PDE4A: variants seen among roughly 807,000 people sequenced by gnomAD.
PDE4A encodes the protein 3',5'-cyclic-AMP phosphodiesterase 4A.
A neutral mutation model predicts 73.9 loss-of-function variants in PDE4A; 21 were observed. The ratio of observed to expected loss-of-function variants is 0.28; its 90% confidence interval spans 0.20 to 0.41. The LOEUF (loss-of-function observed/expected upper bound fraction) is 0.41. Ranked by LOEUF, PDE4A falls within the 10% of genes least tolerant of loss-of-function variation. The pLI is 1.00. For missense variants in PDE4A, 958 were observed against 1,211.4 expected, an observed-to-expected ratio of 0.79 and a Z score of 3.10; for synonymous variants, 463 against 505.4, an observed-to-expected ratio of 0.92 and a Z score of 1.13.
At chr19:10,450,765 C>T in intron 5 of PDE4A, 64 bp from the exon 6 acceptor site, 3 of 1,577,094 alleles carry the variant, frequency 1.9e-6, no homozygotes, top group Non-Finnish European at 2.6e-6. Context: ...TCACGGCGGT[C>T]TGGAGCCTCT....
intron 4 of PDE4A, among the ~76,000 whole-genome samples, chr19:10,449,552 G>T (rs2145539554): frequency 6.6e-6 from 1 of 152,028 alleles, no homozygotes; most frequent in South Asian, 2.1e-4. Flanking sequence ...TAGAGATGGG[G>T]TTTCACCATG....
chr19:10,462,637 C>G (rs1316111607), intron 13 of PDE4A, among the ~76,000 whole-genome samples: 2 of 151,990 alleles, frequency 1.3e-5, no homozygotes, highest in African/African-American at 4.8e-5. Context: ...CTGTCTGTCC[C>G]CTTCTCCATC....
rs1160059307 is a variant in PDE4A, at chr19:10,458,305, C to T, written c.1101+203C>T. On this transcript the variant is annotated intron_variant, in intron 8 of 14. Transcript: ENST00000380702. This position sits in a 1 kb window ranked among gnomAD's most constrained non-coding sequence, Gnocchi z 4.6. ...CTTGGGGGCCGTCCCCAGGGCTGGA[C>T]GTATCACCTCTTGCATGTAGCTCCT... Among the ~76,000 whole-genome samples, 1 of 152,176 alleles carries T rather than the reference C, an allele frequency of 6.6e-6. No individual in the cohort carries two copies. The highest frequency in any genetic ancestry group is 1.5e-5 in the Non-Finnish European group (1 of 68,036).
intron 11 of PDE4A, 31 bp from the exon 12 acceptor site, chr19:10,461,495 G>A (rs1316079527): frequency 1.9e-6 from 3 of 1,610,084 alleles, no homozygotes; most frequent in South Asian, 2.2e-5. Context: ...GCACACGTGG[G>A]CCCTCCCCTG....
At chr19:10,451,876 T>A (rs748498641) in intron 6 of PDE4A, among the ~76,000 whole-genome samples, 14 of 151,850 alleles carry the variant, frequency 9.2e-5, no homozygotes, top group Non-Finnish European at 1.6e-4. Flanking sequence ...GGTGGGAGTG[T>A]CTTTGTTGGG....
Position 10,446,403 on chromosome 19 carries a change from G to A in PDE4A, c.506G>A (p.Ser169Asn). Residue 169 changes from serine to asparagine, a missense_variant, in exon 2 of 15, where the codon AGC becomes AAC. Coordinates refer to ENST00000380702, the MANE Select transcript of PDE4A (RefSeq NM_001111307.2). ...ATGTCCCGGAACTCATCGGTCACCA[G>A]CGAGGCGTGAGCATCCTTCTCCCCA... is the stretch of plus-strand genomic sequence containing the variant. ...KTMSRNSSVT[S>N]EAHAEDLIVT... is the part of the protein sequence containing the mutation. 6.2e-7 allele frequency: 1 copy of A among 1,604,218 alleles called. No homozygotes were observed. Among genetic ancestry groups the A allele is most frequent in the South Asian group, 1.1e-5 (1 of 90,906 alleles).
Position 10,462,016 on chromosome 19 carries a change from T to C in PDE4A, c.1743+17T>C, listed in dbSNP as rs777004609. 1.9e-6 allele frequency: 3 copies of C among 1,605,316 alleles called. No homozygotes were observed. The highest frequency in any genetic ancestry group is 2.6e-6 in the Non-Finnish European group (3 of 1,174,722). On this transcript the variant is annotated intron_variant, in intron 13 of 14. Transcript: ENST00000380702. ...CGCATCCAGGTGCCCCCACGCCCCA[T>C]CATCTAAGGAGGGAGGACACTCCCC...
intron 14 of PDE4A, chr19:10,464,427 T>C (rs945938857): frequency 8.8e-6 from 4 of 455,224 alleles, no homozygotes; most frequent in East Asian, 6.9e-5. Flanking sequence ...GTTTTATTTA[T>C]TTATTTTGAG....
At position 10,454,818 on chromosome 19, in the gene PDE4A, C is replaced by A. The variant is rs1197389884; in HGVS notation, c.784-11C>A. The stretch of plus-strand genomic sequence containing the variant: ...CCCATCATTTCTTCCTTGTTGACTC[C>A]TTTACCTTAGTTCAAAAGGATGTTG... On this transcript the variant is annotated splice_polypyrimidine_tract_variant and intron_variant, in intron 6 of 14. Coordinates refer to ENST00000380702, the MANE Select transcript of PDE4A (RefSeq NM_001111307.2). 2 of 1,613,954 alleles carry A rather than the reference C, an allele frequency of 1.2e-6. No individual in the cohort carries two copies. Among genetic ancestry groups the A allele is most frequent in the Admixed American group, 3.3e-5 (2 of 60,008 alleles).
chr19:10,432,370 G>A (rs2042805170), intron 1 of PDE4A: 3 of 1,319,684 alleles, frequency 2.3e-6, no homozygotes, highest in Non-Finnish European at 9.6e-7. Context: ...GGCCTGGCCA[G>A]CAGCGCGCGC....
rs1177070151 is a variant in PDE4A, at chr19:10,420,607, T to C, written c.-158T>C. On this transcript the variant is annotated 5_prime_UTR_variant, in exon 1 of 15. Transcript: ENST00000380702. The surrounding 1 kb of genome is among the most constrained non-coding windows in gnomAD (Gnocchi z 6.0). ...GCTGCAGAGCCCGGCCCGGGGGCGA[T>C]TGGCCCGCAGCGCCCCCGGGTCTGT... The C allele has an allele frequency of 1.0e-5, 13 of 1,291,668 alleles. No individual in the cohort carries two copies. The highest frequency in any genetic ancestry group is 1.3e-5 in the Non-Finnish European group (13 of 1,024,260). The allele number at this position is 1,291,668 out of a possible 1,614,324, so 80.0% of individuals were successfully genotyped here.
At chr19:10,420,524 G>A (rs2042635109), upstream of PDE4A, 1 of 1,090,450 alleles carries the variant, frequency 9.2e-7, no homozygotes, top group Non-Finnish European at 1.1e-6. The surrounding 1 kb of genome is among the most constrained non-coding windows in gnomAD (Gnocchi z 6.0). Flanking sequence ...GGAACGCGGA[G>A]CGCGGAGCGC....
chr19:10,451,169 A>C (rs1377862402), intron 6 of PDE4A, among the ~76,000 whole-genome samples: 1 of 151,958 alleles, frequency 6.6e-6, no homozygotes, highest in Non-Finnish European at 1.5e-5. Context: ...CCACTAGGTT[A>C]GGCCTGTAGC....
At chr19:10,430,951 C>A in intron 1 of PDE4A, 1 of 1,529,908 alleles carries the variant, frequency 6.5e-7, no homozygotes, top group Non-Finnish European at 8.7e-7. Context: ...CCCCTGGCCC[C>A]GCGCGCGCCC....
intron 1 of PDE4A, chr19:10,428,979 C>A: frequency 1.6e-6 from 1 of 626,754 alleles, no homozygotes; most frequent in Non-Finnish European, 2.0e-6. Flanking sequence ...GTGGCACATG[C>A]CTGTAATCCC....
intron 1 of PDE4A, chr19:10,428,927 C>A (rs1479884909): frequency 1.0e-6 from 1 of 964,804 alleles, no homozygotes; most frequent in East Asian, 1.2e-4. Context: ...CATGGTGAAA[C>A]CCCATTTCTA....
rs79343819 is a variant in PDE4A at position 10,453,678 on chromosome 19, G to A, written c.784-1151G>A. ...ACCATGGTGTTGTGTGTTGGGTTGT[G>A]TGTCTGAGCCCAGAGCTGCCTGATA... On this transcript the variant is annotated intron_variant, in intron 6 of 14. Transcript: ENST00000380702. This position sits in a 1 kb window ranked among gnomAD's most constrained non-coding sequence, Gnocchi z 4.6. 0.08 allele frequency among the ~76,000 whole-genome samples: 12,217 copies of A among 152,136 alleles called. 509 individuals carry two copies. The highest frequency in any genetic ancestry group is 0.089 in the Non-Finnish European group (6,082 of 67,978).
intron 7 of PDE4A, among the ~76,000 whole-genome samples, chr19:10,457,440 G>C (rs944271322): frequency 5.9e-5 from 8 of 135,312 alleles, no homozygotes; most frequent in South Asian, 5.7e-4. Flanking sequence ...GCGGGGGGGG[G>C]GGGGGGCAGG....
At chr19:10,427,782 G>A (rs749151882) in intron 1 of PDE4A, 2 of 983,358 alleles carry the variant, frequency 2.0e-6, no homozygotes, top group Non-Finnish European at 2.4e-6. Flanking sequence ...CTGATCTGAC[G>A]AACTGGCAAA....
Sources: gnomAD v4.1 joint callset for allele counts (sites outside exome capture counted in the v4.1 genomes callset) on GRCh38, gnomAD v4.1.1 for gene constraint, Gnocchi (gnomAD v3.1) non-coding constraint, MANE v1.5 for transcripts, NCBI Gene and HGNC (gene_info 2026-07-23, HGNC 2026-07-21) for gene names.